Variants in PTPRD observed in about 807,000 individuals in gnomAD.
The protein encoded by PTPRD is protein tyrosine phosphatase receptor type D, also known as receptor-type tyrosine-protein phosphatase delta.
Under a neutral mutation model 214.5 loss-of-function variants are expected in PTPRD, and 34 were observed. The observed-to-expected ratio is 0.16, with a 90% confidence interval of 0.12 to 0.21. PTPRD has a LOEUF of 0.21. Among genes scored for constraint, PTPRD ranks in the 10% least tolerant of loss-of-function variants. The pLI is 1.00. For missense variants in PTPRD, 2,545 were observed against 2,398.7 expected (o/e 1.06, Z -1.27); for synonymous variants, 1,128 against 845.7 (o/e 1.33, Z -5.79).
chr9:9,636,895 G>C (rs538694202), intron 7 of PTPRD, among the ~76,000 whole-genome samples: 4 of 152,302 alleles, frequency 2.6e-5, no homozygotes, highest in African/African-American at 9.6e-5. Flanking sequence ...TTCAGCATCT[G>C]GTAAGGGGGG....
chr9:9,085,504 G>T (rs1435383753), intron 10 of PTPRD, among the ~76,000 whole-genome samples: 5 of 151,996 alleles, frequency 3.3e-5, no homozygotes, highest in Admixed American at 3.3e-4. Flanking sequence ...TTATTTTTCA[G>T]GAAGAATAAG....
At chr9:8,784,920 A>G (rs2095876015) in intron 11 of PTPRD, among the ~76,000 whole-genome samples, 1 of 152,198 alleles carries the variant, frequency 6.6e-6, no homozygotes, top group African/African-American at 2.4e-5. Context: ...AAACAGAAAC[A>G]ACTTCCATGA....
At chr9:10,256,660 G>A (rs1184875632) in intron 3 of PTPRD, among the ~76,000 whole-genome samples, 2 of 152,116 alleles carry the variant, frequency 1.3e-5, no homozygotes, top group Non-Finnish European at 2.9e-5. Context: ...TCAGATAACT[G>A]ACCAAGTCTC....
intron 11 of PTPRD, among the ~76,000 whole-genome samples, chr9:8,749,551 A>C (rs1565774705): frequency 6.6e-6 from 1 of 152,160 alleles, no homozygotes; most frequent in Non-Finnish European, 1.5e-5. Context: ...ATATTTTACT[A>C]GTCTGTCCAC....
At chr9:8,346,877 G>T (rs918667097) in intron 39 of PTPRD, among the ~76,000 whole-genome samples, 1 of 152,058 alleles carries the variant, frequency 6.6e-6, no homozygotes, top group East Asian at 1.9e-4. Context: ...TGTGAAGAAG[G>T]AAAAAGAAAT....
intron 11 of PTPRD, among the ~76,000 whole-genome samples, chr9:8,788,385 C>G (rs2096081824): frequency 6.7e-6 from 1 of 150,310 alleles, no homozygotes; most frequent in African/African-American, 2.4e-5. Context: ...AAGCCATTCT[C>G]CTGCCTCAGC....
chr9:9,666,921 C>G (rs2154383797), intron 7 of PTPRD, among the ~76,000 whole-genome samples: 1 of 152,002 alleles, frequency 6.6e-6, no homozygotes, highest in East Asian at 1.9e-4. Flanking sequence ...ATGCAAAAGC[C>G]TTGAGTTTGG....
intron 10 of PTPRD, among the ~76,000 whole-genome samples, chr9:9,132,141 G>A (rs2099843772): frequency 6.6e-6 from 1 of 152,078 alleles, no homozygotes. Context: ...CCGAGTAGCT[G>A]GGGCTACAGG....
In PTPRD at chr9:8,516,852, G is replaced by A. The variant is rs2097789955; in HGVS notation, c.1543+996C>T. 4.3e-5 allele frequency among the ~76,000 whole-genome samples: 6 copies of A among 139,334 alleles called. No homozygotes were observed. The South Asian group carries it at 1.4e-3, about 32-fold the overall frequency. The allele number at this position is 139,334 out of a possible 152,430, so 91.4% of individuals were successfully genotyped here. ...ATGGAGTCTTGCTGTCACCCAGGCT[G>A]GAGTGTAGTGGTACAATCTTAGCTC... On this transcript the variant is annotated intron_variant, in intron 21 of 45. Transcript: ENST00000381196.
At chr9:9,461,929 AT>A (rs1349228034) in intron 8 of PTPRD, among the ~76,000 whole-genome samples, 3 of 152,176 alleles carry the variant, frequency 2.0e-5, no homozygotes, top group Non-Finnish European at 2.9e-5. Context: ...TTATATTTAA[AT>A]TGGGACTTCT....
intron 8 of PTPRD, among the ~76,000 whole-genome samples, chr9:9,479,771 T>G (rs2095320483): frequency 6.6e-6 from 1 of 151,874 alleles, no homozygotes; most frequent in Admixed American, 6.6e-5. Flanking sequence ...AACTCTTAAA[T>G]TCCCCTATTT....
chr9:10,010,802 A>G (rs1283800601), intron 4 of PTPRD, among the ~76,000 whole-genome samples: 1 of 152,016 alleles, frequency 6.6e-6, no homozygotes, highest in East Asian at 1.9e-4. Context: ...CTGTGTTAAA[A>G]CTAACTTAAC....
chr9:8,880,170 G>A (rs1372765848), intron 11 of PTPRD, among the ~76,000 whole-genome samples: 2 of 151,956 alleles, frequency 1.3e-5, no homozygotes, highest in Non-Finnish European at 2.9e-5. Flanking sequence ...ATAGCCCTGA[G>A]AAAACCCACA....
intron 2 of PTPRD, among the ~76,000 whole-genome samples, chr9:10,365,545 T>C (rs1341806418): frequency 6.6e-6 from 1 of 152,206 alleles, no homozygotes; most frequent in Non-Finnish European, 1.5e-5. Flanking sequence ...TCAAGTAGAA[T>C]GTACTTTATC....
Position 9,505,458 on chromosome 9 carries a change from G to A in PTPRD, c.-237+69274C>T, listed in dbSNP as rs576000842. Among the ~76,000 whole-genome samples, 12 of 151,618 alleles carry A rather than the reference G, an allele frequency of 7.9e-5. No individual in the cohort carries two copies. The South Asian group carries it at 2.5e-3, about 31-fold the overall frequency. On this transcript the variant is annotated intron_variant, in intron 8 of 45. Transcript: ENST00000381196. ...CACAGATTAGAAAGACTTTTAGCCT[G>A]ACTGAATTCTGAACCCTGGAATAAA...
chr9:8,897,933 T>C lies in PTPRD; in HGVS notation c.-104+120764A>G, dbSNP rs142982220. On this transcript the variant is annotated intron_variant, in intron 11 of 45. Transcript: ENST00000381196. ...TTAGCGAAAAGCAAATGAGATAATA[T>C]GGCAAAAGTACTTTGTAAACTGTAA... is the stretch of plus-strand genomic sequence containing the variant. 4.8e-3 allele frequency among the ~76,000 whole-genome samples: 725 copies of C among 152,308 alleles called. 6 individuals are homozygous for C. The highest frequency in any genetic ancestry group is 0.011 in the African/African-American group (447 of 41,570).
intron 3 of PTPRD, among the ~76,000 whole-genome samples, chr9:10,056,256 G>C (rs2097646000): frequency 6.6e-6 from 1 of 151,220 alleles, no homozygotes. Flanking sequence ...GGGAGGCGGA[G>C]ATTGCAGTGA....
At chr9:8,905,902 A>C (rs2098704681) in intron 11 of PTPRD, among the ~76,000 whole-genome samples, 1 of 152,182 alleles carries the variant, frequency 6.6e-6, no homozygotes, top group Non-Finnish European at 1.5e-5. Flanking sequence ...GCTAACTTAT[A>C]CTACACATTA....
intron 2 of PTPRD, among the ~76,000 whole-genome samples, chr9:10,383,657 T>C (rs57691011): frequency 0.02 from 3,098 of 151,934 alleles, 101 homozygotes; most frequent in African/African-American, 0.071. Flanking sequence ...GTGTTGAATG[T>C]GTTTCATCTG....
Sources: allele counts gnomAD v4.1 joint callset (sites outside exome capture counted in the v4.1 genomes callset), GRCh38; gene constraint gnomAD v4.1.1; transcripts MANE v1.5; gene names NCBI Gene and HGNC (gene_info 2026-07-23, HGNC 2026-07-21).